GATAD2B: variants seen among roughly 807,000 people sequenced by gnomAD.
GATAD2B encodes the protein GATA zinc finger domain containing 2B.
Under a neutral mutation model 64.3 loss-of-function variants are expected in GATAD2B, and 8 were observed. That is an observed-to-expected ratio of 0.12 (90% CI 0.07 to 0.22). The LOEUF (loss-of-function observed/expected upper bound fraction) is 0.22. Among genes scored for constraint, GATAD2B ranks in the 10% least tolerant of loss-of-function variants. The probability of loss-of-function intolerance (pLI) is 1.00; values close to 1 mark genes in which losing one functional copy is unlikely to be tolerated. For missense variants in GATAD2B, 453 were observed against 752.0 expected, an observed-to-expected ratio of 0.60 and a Z score of 4.65; for synonymous variants, 281 against 271.3, an observed-to-expected ratio of 1.04 and a Z score of -0.35.
At chr1:153,844,342 G>T (rs1309994667) in intron 1 of GATAD2B, among the ~76,000 whole-genome samples, 1 of 150,756 alleles carries the variant, frequency 6.6e-6, no homozygotes, top group Non-Finnish European at 1.5e-5. Context: ...GAGTGCACAG[G>T]AAAGTCCTAC....
In GATAD2B at chr1:153,854,466, C is replaced by T. The variant is rs114728570; in HGVS notation, c.-1-26118G>A. 2.0e-3 allele frequency among the ~76,000 whole-genome samples: 298 copies of T among 152,164 alleles called. 1 individual carries two copies. The highest frequency in any genetic ancestry group is 3.6e-3 in the Non-Finnish European group (243 of 67,996). On this transcript the variant is annotated intron_variant, in intron 1 of 10. Transcript: ENST00000368655. ...CAGTAACTGAGACTAGGCAAAGCAC[C>T]CAGAAATACCACAGCATTAAGTAAC...
At chr1:153,913,400 T>C (rs564428728) in intron 1 of GATAD2B, among the ~76,000 whole-genome samples, 2 of 152,348 alleles carry the variant, frequency 1.3e-5, no homozygotes, top group South Asian at 2.1e-4. Context: ...CTTAGTGTGA[T>C]ACTGCCATCT....
intron 1 of GATAD2B, among the ~76,000 whole-genome samples, chr1:153,854,110 C>T (rs1234096700): frequency 1.3e-5 from 2 of 152,078 alleles, no homozygotes; most frequent in East Asian, 1.9e-4. Flanking sequence ...GACATTAAAA[C>T]GAAGCCTTTA....
intron 1 of GATAD2B, among the ~76,000 whole-genome samples, chr1:153,867,983 G>C (rs1016485707): frequency 1.3e-5 from 2 of 152,192 alleles, no homozygotes; most frequent in Non-Finnish European, 2.9e-5. Context: ...CAGATCACCT[G>C]AGGTCAGGAG....
chr1:153,875,685 A>G (rs1475056442), intron 1 of GATAD2B, among the ~76,000 whole-genome samples: 11 of 37,372 alleles, frequency 2.9e-4, no homozygotes, highest in African/African-American at 5.0e-4. Flanking sequence ...TTTGGAGGGA[A>G]AAAAAAAAAA....
intron 1 of GATAD2B, among the ~76,000 whole-genome samples, chr1:153,848,664 T>C (rs1424262568): frequency 6.6e-6 from 1 of 152,158 alleles, no homozygotes; most frequent in Non-Finnish European, 1.5e-5. Context: ...TTGGGTGTTG[T>C]CTTAGTCCAT....
intron 1 of GATAD2B, among the ~76,000 whole-genome samples, chr1:153,840,044 T>C (rs1675421756): frequency 1.4e-5 from 2 of 145,998 alleles, no homozygotes; most frequent in Non-Finnish European, 3.0e-5. Context: ...TTTTTTTTTT[T>C]TTTTTGAGAC....
At chr1:153,811,913 TAAGG>T in intron 9 of GATAD2B, 65 bp from the exon 10 acceptor site, 9 of 1,286,512 alleles carry the variant, frequency 7.0e-6, no homozygotes, top group Non-Finnish European at 1.0e-5. Flanking sequence ...GGGGCAAAGA[TAAGG>T]GAGTACAGAA....
intron 1 of GATAD2B, among the ~76,000 whole-genome samples, chr1:153,899,716 C>CAGA (rs1434095878): frequency 3.3e-5 from 5 of 152,166 alleles, no homozygotes; most frequent in African/African-American, 1.2e-4. Context: ...CACTTGAAGA[C>CAGA]AGACAGTTCT....
Position 153,816,623 on chromosome 1 carries a change from T to G in GATAD2B, c.901-35A>C. 4 of 1,476,548 alleles carry G rather than the reference T, an allele frequency of 2.7e-6. No individual in the cohort carries two copies. The East Asian group carries it at 9.1e-5, about 34-fold the overall frequency. The allele number at this position is 1,476,548 out of a possible 1,614,324, so 91.5% of individuals were successfully genotyped here. On this transcript the variant is annotated intron_variant, in intron 6 of 10. Coordinates refer to ENST00000368655, the MANE Select transcript of GATAD2B (RefSeq NM_020699.4). The surrounding 1 kb of genome is among the most constrained non-coding windows in gnomAD (Gnocchi z 4.9). ...ATTGAGAATGCGGTCAATCATGGTA[T>G]GCAGGAGAAAGGGCCAATTCTTACG...
intron 1 of GATAD2B, among the ~76,000 whole-genome samples, chr1:153,832,607 A>C (rs1475205532): frequency 6.6e-6 from 1 of 152,228 alleles, no homozygotes; most frequent in African/African-American, 2.4e-5. Flanking sequence ...GATAACCCAC[A>C]AAAGTGACAC....
chr1:153,882,064 G>A (rs775197971), intron 1 of GATAD2B, among the ~76,000 whole-genome samples: 16 of 152,076 alleles, frequency 1.1e-4, no homozygotes, highest in Non-Finnish European at 1.0e-4. Flanking sequence ...AGAAAAACCA[G>A]TTGTAGCCGG....
chr1:153,910,357 T>G (rs1328552818), intron 1 of GATAD2B, among the ~76,000 whole-genome samples: 2 of 152,216 alleles, frequency 1.3e-5, no homozygotes, highest in Non-Finnish European at 2.9e-5. Flanking sequence ...CAGTAGAAAC[T>G]GTACTTCAAG....
rs76193182 is a variant in GATAD2B at position 153,916,421 on chromosome 1, T to C, written c.-2+6312A>G. Among the ~76,000 whole-genome samples the C allele has an allele frequency of 4.8e-3, 725 of 151,862 alleles. 18 individuals are homozygous for C. Among genetic ancestry groups the C allele is most frequent in the East Asian group, 0.046 (240 of 5,182 alleles). Reference sequence around the variant, plus strand: ...AGATTCAGAAATATTTAGAAAGTAATAGGTAAGACAGAAGTGACAATGATG... The same window carrying C: ...AGATTCAGAAATATTTAGAAAGTAACAGGTAAGACAGAAGTGACAATGATG... On this transcript the variant is annotated intron_variant, in intron 1 of 10. Transcript: ENST00000368655.
chr1:153,813,406 G>C lies in GATAD2B; in HGVS notation c.1263C>G (p.Ala421=). The part of the protein sequence containing the change: ...SLLRVEPFVC[A]QCRTDFTPHW... ...GAGGGGTGAAATCTGTGCGGCACTGGGCACATACAAAGGGTTCAACCCGCA... is the reference window on the plus strand; with the variant it reads ...GAGGGGTGAAATCTGTGCGGCACTGCGCACATACAAAGGGTTCAACCCGCA... The change falls in exon 8 of 11, where the codon GCC becomes GCG. Residue 421 remains alanine, a synonymous_variant. Transcript: ENST00000368655. 2 of 1,613,966 alleles carry C rather than the reference G, an allele frequency of 1.2e-6. No individual in the cohort carries two copies. Among genetic ancestry groups the C allele is most frequent in the Non-Finnish European group, 1.7e-6 (2 of 1,179,924 alleles).
intron 1 of GATAD2B, among the ~76,000 whole-genome samples, chr1:153,872,088 T>A (rs957226026): frequency 6.6e-6 from 1 of 151,952 alleles, no homozygotes; most frequent in Admixed American, 6.6e-5. Flanking sequence ...GAGGCTGCGG[T>A]AGGCGGATCA....
intron 1 of GATAD2B, among the ~76,000 whole-genome samples, chr1:153,889,413 C>CAAA (rs71093299): frequency 0.19 from 12,755 of 67,632 alleles, 824 homozygotes; most frequent in Middle Eastern, 0.24. Flanking sequence ...ACCCCGTCTC[C>CAAA]AAAAAAAAAA....
At chr1:153,868,099 G>A (rs989783459) in intron 1 of GATAD2B, among the ~76,000 whole-genome samples, 2 of 152,080 alleles carry the variant, frequency 1.3e-5, no homozygotes, top group South Asian at 4.1e-4. Context: ...TACTCAGGAG[G>A]CTGAGGCAGA....
chr1:153,817,557 G>A lies in GATAD2B; in HGVS notation c.730-15C>T, dbSNP rs778359843. Reference sequence around the variant, plus strand: ...ACACTGTGACCCTGGAGGGGAAGAAGAGGAAAAGAACTAATCACAGGTTGT... The same window carrying A: ...ACACTGTGACCCTGGAGGGGAAGAAAAGGAAAAGAACTAATCACAGGTTGT... On this transcript the variant is annotated splice_polypyrimidine_tract_variant and intron_variant, in intron 5 of 10. Transcript: ENST00000368655. 1.5e-4 allele frequency: 240 copies of A among 1,569,886 alleles called. No homozygotes were observed. Among genetic ancestry groups the A allele is most frequent in the Non-Finnish European group, 2.0e-4 (231 of 1,159,414 alleles).
Sources: allele counts gnomAD v4.1 joint callset (sites outside exome capture counted in the v4.1 genomes callset), GRCh38; gene constraint gnomAD v4.1.1; non-coding constraint Gnocchi (gnomAD v3.1); transcripts MANE v1.5; gene names NCBI Gene and HGNC (gene_info 2026-07-23, HGNC 2026-07-21).